Variants in FOXJ3 observed in about 807,000 individuals in gnomAD.
The protein encoded by FOXJ3 is forkhead box J3, also known as forkhead box protein J3.
A neutral mutation model predicts 76.1 loss-of-function variants in FOXJ3; 22 were observed. That is an observed-to-expected ratio of 0.29 (90% confidence interval 0.21 to 0.41). The LOEUF (loss-of-function observed/expected upper bound fraction) is 0.41. FOXJ3 is among the 10% of genes least tolerant of loss of function. FOXJ3 has a pLI of 1.00. For synonymous variants in FOXJ3, 269 were observed against 261.2 expected, an observed-to-expected ratio of 1.03 and a Z score of -0.29; for missense variants, 613 against 762.1, an observed-to-expected ratio of 0.80 and a Z score of 2.30.
chr1:42,205,376 T>C (rs1646841166), intron 6 of FOXJ3, among the ~76,000 whole-genome samples: 1 of 152,232 alleles, frequency 6.6e-6, no homozygotes, highest in South Asian at 2.1e-4. Context: ...CAATTATTTA[T>C]TTTACTAGAT....
At chr1:42,293,966 C>A (rs1653612716) in intron 2 of FOXJ3, among the ~76,000 whole-genome samples, 1 of 152,158 alleles carries the variant, frequency 6.6e-6, no homozygotes, top group Non-Finnish European at 1.5e-5. Context: ...GTGGAATAAT[C>A]TTTTTGTTTT....
intron 1 of FOXJ3, among the ~76,000 whole-genome samples, chr1:42,314,387 A>C (rs977540515): frequency 2.0e-5 from 3 of 152,166 alleles, no homozygotes; most frequent in African/African-American, 7.2e-5. Flanking sequence ...AGTAGATAGG[A>C]TTACAGGCAT....
At chr1:42,237,204 T>C (rs1376968196) in intron 4 of FOXJ3, among the ~76,000 whole-genome samples, 2 of 151,684 alleles carry the variant, frequency 1.3e-5, no homozygotes, top group African/African-American at 2.4e-5. Flanking sequence ...TAAAACCCCG[T>C]CTCTACCAAA....
Position 42,249,511 on chromosome 1 carries a change from C to A in FOXJ3, c.444+15604G>T, listed in dbSNP as rs536066553. 3.9e-5 allele frequency among the ~76,000 whole-genome samples: 6 copies of A among 152,272 alleles called. No individual in the cohort carries two copies. In the East Asian group the frequency reaches 1.2e-3, roughly 29 times the overall value. ...CAACCTACTGATCAAAAATCAAAGT[C>A]TGAGTAAAATGAGGCAAAGTGACGA... On this transcript the variant is annotated intron_variant, in intron 4 of 12. Transcript: ENST00000361346.
chr1:42,194,205 T>C (rs541176666), intron 8 of FOXJ3, among the ~76,000 whole-genome samples: 58 of 152,330 alleles, frequency 3.8e-4, no homozygotes, highest in African/African-American at 1.4e-3. Context: ...ACAGTAGAGT[T>C]CCCAACAATT....
intron 8 of FOXJ3, 108 bp from the exon 9 acceptor site, chr1:42,191,827 T>G: frequency 8.6e-7 from 1 of 1,165,956 alleles, no homozygotes; most frequent in Non-Finnish European, 1.2e-6. Context: ...GAAGCAACAC[T>G]GGTTCAATTT....
In FOXJ3 at chr1:42,291,083, T is replaced by TAGATAGACAGACAGAC. The variant is rs1553167260; in HGVS notation, c.45-12412_45-12411insGTCTGTCTGTCTATCT. Among the ~76,000 whole-genome samples the TAGATAGACAGACAGAC allele has an allele frequency of 2.3e-3, 297 of 126,442 alleles. 1 individual carries two copies. The highest frequency in any genetic ancestry group is 4.2e-3 in the East Asian group (18 of 4,258). The allele number at this position is 126,442 out of a possible 152,430, so 83.0% of individuals were successfully genotyped here. A position where few individuals can be genotyped will look rare whatever the true frequency, so the allele number is the denominator to read the frequency against. On this transcript the variant is annotated intron_variant, in intron 2 of 12. Coordinates refer to ENST00000361346, the MANE Select transcript of FOXJ3 (RefSeq NM_014947.5). ...ATAGATAGATAGATAGATAGATAGA[T>TAGATAGACAGACAGAC]AGACAGACAGACAGACAGATAGATC...
intron 1 of FOXJ3, among the ~76,000 whole-genome samples, chr1:42,328,415 T>G (rs1655966938): frequency 6.6e-6 from 1 of 152,250 alleles, no homozygotes; most frequent in African/African-American, 2.4e-5. Flanking sequence ...CACTCTAAGT[T>G]TGAGTCCCAC....
chr1:42,282,170 G>C (rs1361021408), intron 2 of FOXJ3, among the ~76,000 whole-genome samples: 1 of 152,126 alleles, frequency 6.6e-6, no homozygotes, highest in Non-Finnish European at 1.5e-5. Context: ...AAACAGCATG[G>C]GAGGCTGGGA....
At chr1:42,289,435 C>T (rs1044024809) in intron 2 of FOXJ3, among the ~76,000 whole-genome samples, 1 of 152,080 alleles carries the variant, frequency 6.6e-6, no homozygotes, top group African/African-American at 2.4e-5. Flanking sequence ...ATGCTTGGCA[C>T]ATAGTAAGCA....
chr1:42,202,376 G>A (rs975415837), intron 6 of FOXJ3, among the ~76,000 whole-genome samples: 15 of 151,628 alleles, frequency 9.9e-5, no homozygotes, highest in Admixed American at 6.6e-5. Context: ...TTCTGGGTCA[G>A]TTGTGACTTT....
chr1:42,217,012 C>T (rs1647082933), intron 5 of FOXJ3, among the ~76,000 whole-genome samples: 1 of 152,136 alleles, frequency 6.6e-6, no homozygotes. Flanking sequence ...CTGATAAATG[C>T]TGTCTGCAAG....
intron 4 of FOXJ3, among the ~76,000 whole-genome samples, chr1:42,260,600 G>C (rs1278407122): frequency 6.6e-6 from 1 of 152,064 alleles, no homozygotes; most frequent in Non-Finnish European, 1.5e-5. Flanking sequence ...CTACTCTGGA[G>C]AATCACCTGA....
In FOXJ3 at chr1:42,275,946, T is replaced by C. The variant is rs556685054; in HGVS notation, c.369+2402A>G. 4.9e-4 allele frequency among the ~76,000 whole-genome samples: 75 copies of C among 152,294 alleles called. 1 individual carries two copies. The highest frequency in any genetic ancestry group is 8.5e-4 in the Non-Finnish European group (58 of 68,016). The stretch of plus-strand genomic sequence containing the variant: ...ATAAATATCTATGAGTGCATACTAT[T>C]AGAAATAAATTATTGAATGAATAAA... On this transcript the variant is annotated intron_variant, in intron 3 of 12. Coordinates refer to ENST00000361346, the MANE Select transcript of FOXJ3 (RefSeq NM_014947.5).
In FOXJ3 at chr1:42,237,425, TATAC is replaced by T. The variant is rs1553161287; in HGVS notation, c.445-9463_445-9460del. 5.8e-5 allele frequency among the ~76,000 whole-genome samples: 8 copies of T among 137,482 alleles called. No homozygotes were observed. The South Asian group carries it at 1.6e-3, about 27-fold the overall frequency. The allele number at this position is 137,482 out of a possible 152,430, so 90.2% of individuals were successfully genotyped here. A position where few individuals can be genotyped will look rare whatever the true frequency, so the allele number is the denominator to read the frequency against. ...ACATACATATATATATATATATATA[TATAC>T]ATACATACATATATATATATACACA... On this transcript the variant is annotated intron_variant, in intron 4 of 12. Transcript: ENST00000361346.
At chr1:42,247,078 T>C (rs1203906153) in intron 4 of FOXJ3, among the ~76,000 whole-genome samples, 1 of 152,086 alleles carries the variant, frequency 6.6e-6, no homozygotes, top group Non-Finnish European at 1.5e-5. Flanking sequence ...AACACACAGA[T>C]AGAAGAAATA....
At chr1:42,314,723 C>A (rs1344377991) in intron 1 of FOXJ3, among the ~76,000 whole-genome samples, 2 of 152,180 alleles carry the variant, frequency 1.3e-5, no homozygotes, top group Non-Finnish European at 2.9e-5. Context: ...AAGTCACGTT[C>A]TACAATATAG....
intron 3 of FOXJ3, 145 bp from the exon 4 acceptor site, chr1:42,265,334 A>C (rs1049045759): frequency 3.9e-6 from 2 of 518,458 alleles, no homozygotes; most frequent in African/African-American, 4.0e-5. Flanking sequence ...CTTAAAATTT[A>C]AATCTTTCTG....
intron 5 of FOXJ3, among the ~76,000 whole-genome samples, chr1:42,223,241 G>A (rs968430170): frequency 2.6e-5 from 4 of 152,076 alleles, no homozygotes; most frequent in Non-Finnish European, 5.9e-5. Flanking sequence ...CCTAGCTCAG[G>A]CCATTACTAT....
Sources: gnomAD v4.1 joint callset for allele counts (sites outside exome capture counted in the v4.1 genomes callset) on GRCh38, gnomAD v4.1.1 for gene constraint, MANE v1.5 for transcripts, NCBI Gene and HGNC (gene_info 2026-07-23, HGNC 2026-07-21) for gene names.